NKTR: variants seen among roughly 807,000 people sequenced by gnomAD.
NKTR encodes NK-tumor recognition protein.
In NKTR, 67 loss-of-function variants were observed where a neutral mutation model predicts 156.3. The ratio of observed to expected loss-of-function variants is 0.43; its 90% CI spans 0.35 to 0.53. The LOEUF (loss-of-function observed/expected upper bound fraction) is 0.53. Among genes scored for constraint, NKTR ranks in the 20% least tolerant of loss-of-function variants. The probability of loss-of-function intolerance (pLI) is 0.01; values close to 1 mark genes in which losing one functional copy is unlikely to be tolerated. For synonymous variants in NKTR, 640 were observed against 596.6 expected (o/e 1.07, Z -1.06); for missense variants, 1,604 against 1,730.9 (o/e 0.93, Z 1.30).
intron 2 of NKTR, among the ~76,000 whole-genome samples, chr3:42,613,997 A>G (rs1296290793): frequency 6.6e-6 from 1 of 152,170 alleles, no homozygotes; most frequent in Admixed American, 6.5e-5. Flanking sequence ...ACTATGTATA[A>G]GAATATTATC....
chr3:42,619,207 T>C, intron 4 of NKTR, 80 bp downstream of exon 4: 3 of 1,555,106 alleles, frequency 1.9e-6, no homozygotes, highest in Non-Finnish European at 2.6e-6. Flanking sequence ...GTTCTAAATA[T>C]TGTGTCAGTT....
intron 15 of NKTR, chr3:42,643,614 T>A: frequency 1.6e-6 from 1 of 624,206 alleles, no homozygotes; most frequent in African/African-American, 1.8e-5. Context: ...ATGGCAGGTG[T>A]TTATTGAATA....
chr3:42,624,074 C>G (rs1391245649), intron 6 of NKTR, among the ~76,000 whole-genome samples: 2 of 152,042 alleles, frequency 1.3e-5, no homozygotes, highest in African/African-American at 4.8e-5. Context: ...TAAAAACTCC[C>G]CCTTCCTTAG....
intron 6 of NKTR, among the ~76,000 whole-genome samples, chr3:42,622,562 A>T (rs1708012814): frequency 6.6e-6 from 1 of 152,076 alleles, no homozygotes. Context: ...TAAAGTTCAG[A>T]TAAGGGGCAT....
intron 2 of NKTR, chr3:42,601,890 A>C (rs984936497): frequency 6.6e-6 from 1 of 152,230 alleles, no homozygotes; most frequent in African/African-American, 2.4e-5. Flanking sequence ...CATAAAACAA[A>C]GGCCTCTTCC....
intron 6 of NKTR, chr3:42,630,182 T>G: frequency 9.6e-7 from 1 of 1,044,198 alleles, no homozygotes; most frequent in African/African-American, 1.7e-5. Context: ...CTGATAAATT[T>G]TGAGGGTTTT....
intron 2 of NKTR, chr3:42,602,042 G>A (rs1705546360): frequency 6.6e-6 from 1 of 152,220 alleles, no homozygotes; most frequent in Non-Finnish European, 1.5e-5. Flanking sequence ...ATCAGAAGGA[G>A]ATGAAGTGAG....
rs889217749 is a variant in NKTR at position 42,638,612 on chromosome 3, A to G, written c.2908A>G (p.Asn970Asp). The G allele has an allele frequency of 3.1e-6, 5 of 1,613,884 alleles. No individual in the cohort carries two copies. The highest frequency in any genetic ancestry group is 4.2e-6 in the Non-Finnish European group (5 of 1,179,974). ...SEGSCSNSENNRGKPQKHKHG... is the reference protein window; with the variant it reads ...SEGSCSNSENDRGKPQKHKHG... ...GGGGTCCTGTTCCAATTCGGAAAAC[A>G]ATAGGGGAAAGCCACAAAAGCACAA... The change falls in exon 13 of 17, where the codon AAT becomes GAT. Residue 970 changes from asparagine to aspartate, a missense_variant. Transcript: ENST00000232978.
intron 13 of NKTR, among the ~76,000 whole-genome samples, chr3:42,639,982 C>T (rs1288106359): frequency 6.6e-6 from 1 of 152,178 alleles, no homozygotes; most frequent in African/African-American, 2.4e-5. Context: ...AGCTCTCTGT[C>T]ACTAGAAATG....
In NKTR at chr3:42,628,322, T is replaced by C. The variant is rs577347903; in HGVS notation, c.375-2224T>C. ...GCACTACTGCTATAAAGGACCAAGT[T>C]TGCCTATTCTTGGCAGTTTTCATTT... On this transcript the variant is annotated intron_variant, in intron 6 of 16. Coordinates refer to ENST00000232978, the MANE Select transcript of NKTR (RefSeq NM_005385.4). 3 of 985,416 alleles carry C rather than the reference T, an allele frequency of 3.0e-6. No individual in the cohort carries two copies. In the African/African-American group the frequency reaches 5.2e-5, roughly 17 times the overall value. 61.0% of individuals were successfully genotyped at this position (985,416 alleles called of 1,614,324 possible).
chr3:42,620,823 T>C, intron 5 of NKTR: 1 of 985,128 alleles, frequency 1.0e-6, no homozygotes, highest in Non-Finnish European at 1.2e-6. Context: ...GATACTTTTG[T>C]ACCTTAAAAT....
chr3:42,607,266 A>G (rs992567801), intron 2 of NKTR, among the ~76,000 whole-genome samples: 17 of 152,170 alleles, frequency 1.1e-4, no homozygotes, highest in African/African-American at 4.1e-4. Flanking sequence ...TTCAAGTTTA[A>G]TAGATACAGA....
intron 2 of NKTR, among the ~76,000 whole-genome samples, chr3:42,613,374 C>T (rs1285781955): frequency 1.3e-5 from 2 of 152,138 alleles, no homozygotes; most frequent in Admixed American, 1.3e-4. Flanking sequence ...GCTCCTGTTT[C>T]TTAATCTTCT....
rs1709516748 is a variant in NKTR, at chr3:42,637,316, G to A, written c.1612G>A (p.Ala538Thr). ...YSRGSSRSRT[A>T]SKSSSHSRSR... ...TAGAGGAAGCTCAAGATCAAGGACTGCGTCAAAGTCCTCATCACATTCTCG... is the reference window on the plus strand; with the variant it reads ...TAGAGGAAGCTCAAGATCAAGGACTACGTCAAAGTCCTCATCACATTCTCG... Residue 538 changes from alanine to threonine, a missense_variant, in exon 13 of 17, where the codon GCG (alanine) becomes ACG (threonine). Physicochemically the swap from Ala to Thr is moderately conservative, Grantham distance 58. Transcript: ENST00000232978. 3.1e-6 allele frequency: 5 copies of A among 1,614,162 alleles called. No homozygotes were observed. The highest frequency in any genetic ancestry group is 4.2e-6 in the Non-Finnish European group (5 of 1,180,018).
Position 42,644,712 on chromosome 3 carries a change from CT to C in NKTR, c.4301+713del, listed in dbSNP as rs1271835818. 2.6e-5 allele frequency among the ~76,000 whole-genome samples: 4 copies of C among 152,272 alleles called. No homozygotes were observed. The East Asian group carries it at 7.7e-4, about 29-fold the overall frequency. On this transcript the variant is annotated intron_variant, in intron 16 of 16. Transcript: ENST00000232978. ...GCTTCCCTCCTTTAAAGTGTTGGGA[CT>C]TTTCCTTCTGCCTGGAGACACACGT... is the stretch of plus-strand genomic sequence containing the variant.
chr3:42,631,078 T>C, intron 7 of NKTR, 93 bp from the exon 8 acceptor site: 1 of 1,523,962 alleles, frequency 6.6e-7, no homozygotes, highest in South Asian at 1.3e-5. Flanking sequence ...TTTTCAGGTC[T>C]GTGGACATGT....
At position 42,631,300 on chromosome 3, in the gene NKTR, A is replaced by G. The variant is rs1708873344; in HGVS notation, c.534A>G (p.Thr178=). The change falls in exon 8 of 17, where the codon ACA becomes ACG. Residue 178 remains threonine (T), a synonymous_variant. Coordinates refer to ENST00000232978, the MANE Select transcript of NKTR (RefSeq NM_005385.4). ...VRVIDCGVLA[T]KSIKDVFEKK... ...TTATTGACTGTGGAGTACTTGCCAC[A>G]AAATCAATAAAAGATGGTAAGAACT... 6.2e-7 allele frequency: 1 copy of G among 1,613,616 alleles called. No homozygotes were observed.
chr3:42,639,503 A>G lies in NKTR; in HGVS notation c.3799A>G (p.Lys1267Glu), dbSNP rs182726768. The change falls in exon 13 of 17, where the codon AAA becomes GAA. Residue 1267 changes from lysine to glutamate, a missense_variant. Physicochemically the swap from Lys to Glu is moderately conservative, Grantham distance 56. This residue lies in a region of NKTR where 18 missense variants were observed against 41.9 expected (regional missense o/e 0.43). Transcript: ENST00000232978. ...ACCACAAGGCTTGAGAATAGAAATTAAAAGCAAAAATAAAGTTCGGCCTGG... is the reference window on the plus strand; with the variant it reads ...ACCACAAGGCTTGAGAATAGAAATTGAAAGCAAAAATAAAGTTCGGCCTGG... ...MKPQGLRIEIKSKNKVRPGSL... is the reference protein window; with the variant it reads ...MKPQGLRIEIESKNKVRPGSL... 5 of 1,614,236 alleles carry G rather than the reference A, an allele frequency of 3.1e-6. No homozygotes were observed.
At chr3:42,620,871 TCTTC>T (rs1193321359) in intron 5 of NKTR, 3 of 964,254 alleles carry the variant, frequency 3.1e-6, no homozygotes. Flanking sequence ...CACAGGGCTT[TCTTC>T]CTTAGATAAT....
Sources: gnomAD v4.1 joint callset for allele counts (sites outside exome capture counted in the v4.1 genomes callset) on GRCh38, gnomAD v4.1.1 for gene constraint, gnomAD v4.1.1 regional missense constraint, MANE v1.5 for transcripts, NCBI Gene and HGNC (gene_info 2026-07-23, HGNC 2026-07-21) for gene names.